Variants in SLCO3A1 observed in about 807,000 individuals in gnomAD.
SLCO3A1 encodes solute carrier organic anion transporter family member 3A1.
SLCO3A1 carries 27 observed loss-of-function variants against 63.1 expected under a neutral mutation model. That is an observed-to-expected ratio of 0.43 (90% confidence interval 0.32 to 0.59). The LOEUF is 0.59. Among genes scored for constraint, SLCO3A1 ranks in the 20% least tolerant of loss-of-function variants. The pLI, the probability that SLCO3A1 is intolerant of heterozygous loss-of-function variation, is 0.09. For synonymous variants in SLCO3A1, 473 were observed against 409.9 expected, an observed-to-expected ratio of 1.15 and a Z score of -1.86; for missense variants, 773 against 945.8, an observed-to-expected ratio of 0.82 and a Z score of 2.40.
chr15:92,132,570 G>T (rs2048009023), intron 7 of SLCO3A1, among the ~76,000 whole-genome samples: 1 of 141,862 alleles, frequency 7.0e-6, no homozygotes, highest in Non-Finnish European at 1.6e-5. Flanking sequence ...GTATGCTGTG[G>T]ACTGATGGCT....
At position 91,872,405 on chromosome 15, in the gene SLCO3A1, G is replaced by A. The variant is rs1462953782; in HGVS notation, c.180+18317G>A. Among the ~76,000 whole-genome samples, 2 of 152,042 alleles carry A rather than the reference G, an allele frequency of 1.3e-5. No individual in the cohort carries two copies. Among genetic ancestry groups the A allele is most frequent in the African/African-American group, 4.8e-5 (2 of 41,384 alleles). ...AAAATAGCCGGGCATGGTGGCAGTTGCCTGTAATCCCAGCTACTCGGCGGG... is the reference window on the plus strand; with the variant it reads ...AAAATAGCCGGGCATGGTGGCAGTTACCTGTAATCCCAGCTACTCGGCGGG... On this transcript the variant is annotated intron_variant, in intron 1 of 9. Coordinates refer to ENST00000318445, the MANE Select transcript of SLCO3A1 (RefSeq NM_013272.4). This position sits in a 1 kb window ranked among gnomAD's most constrained non-coding sequence, Gnocchi z 4.1.
chr15:92,090,576 C>T (rs1014219349), intron 2 of SLCO3A1, among the ~76,000 whole-genome samples: 2 of 152,150 alleles, frequency 1.3e-5, no homozygotes, highest in African/African-American at 4.8e-5. Flanking sequence ...GGGTGGACTC[C>T]GGACATCCAG....
At position 91,968,879 on chromosome 15, in the gene SLCO3A1, CTCT is replaced by C. The variant is rs1026854463; in HGVS notation, c.646+52423_646+52425del. Among the ~76,000 whole-genome samples the C allele has an allele frequency of 5.9e-5, 9 of 152,188 alleles. 1 individual carries two copies. In the Middle Eastern group the frequency reaches 9.5e-3, roughly 161 times the overall value. Reference sequence around the variant, plus strand: ...GGTTCCTCTGCATGGAGTCTCCTTTCTCTTTCCCCTACCCAGGGGATCTGGCAA... The same window carrying C: ...GGTTCCTCTGCATGGAGTCTCCTTTCTTCCCCTACCCAGGGGATCTGGCAA... On this transcript the variant is annotated intron_variant, in intron 2 of 9. Transcript: ENST00000318445. The surrounding 1 kb of genome is among the most constrained non-coding windows in gnomAD (Gnocchi z 4.2).
In SLCO3A1 at chr15:91,971,483, A is replaced by G. The variant is rs574310572; in HGVS notation, c.646+55025A>G. On this transcript the variant is annotated intron_variant, in intron 2 of 9. Coordinates refer to ENST00000318445, the MANE Select transcript of SLCO3A1 (RefSeq NM_013272.4). ...CTTTTTGTTGTCTATTTGATGTCATATTCTTCCATGTTTTTGTGCTTTTGT... is the reference window on the plus strand; with the variant it reads ...CTTTTTGTTGTCTATTTGATGTCATGTTCTTCCATGTTTTTGTGCTTTTGT... Among the ~76,000 whole-genome samples the G allele has an allele frequency of 1.3e-3, 196 of 150,160 alleles. 2 individuals are homozygous for G. The highest frequency in any genetic ancestry group is 4.8e-3 in the African/African-American group (194 of 40,798).
chr15:92,128,005 T>A (rs750679832), intron 6 of SLCO3A1, among the ~76,000 whole-genome samples: 2 of 152,096 alleles, frequency 1.3e-5, no homozygotes, highest in Non-Finnish European at 2.9e-5. Context: ...CAGTCCCAAC[T>A]GCCACCAGCC....
chr15:91,917,381 T>G (rs1182785075), intron 2 of SLCO3A1, among the ~76,000 whole-genome samples: 1 of 152,152 alleles, frequency 6.6e-6, no homozygotes, highest in Non-Finnish European at 1.5e-5. Context: ...AAAATAGAAT[T>G]TGAACTGGAT....
chr15:92,090,254 C>T (rs892562068), intron 2 of SLCO3A1, among the ~76,000 whole-genome samples: 7 of 152,172 alleles, frequency 4.6e-5, no homozygotes, highest in African/African-American at 1.7e-4. Context: ...ACACCATAGG[C>T]TACCTTGGGA....
In SLCO3A1 at chr15:91,939,592, C is replaced by T. The variant is rs1337462415; in HGVS notation, c.646+23134C>T. On this transcript the variant is annotated intron_variant, in intron 2 of 9. Coordinates refer to ENST00000318445, the MANE Select transcript of SLCO3A1 (RefSeq NM_013272.4). ...ATGGATGCCACGCTGCTGCCAGCTC[C>T]AGCACCTCCTAATGAAGTGTTTCAT... 3.3e-5 allele frequency among the ~76,000 whole-genome samples: 5 copies of T among 152,234 alleles called. No homozygotes were observed. The East Asian group carries it at 5.8e-4, about 18-fold the overall frequency.
chr15:92,038,311 T>C (rs953398009), intron 2 of SLCO3A1, among the ~76,000 whole-genome samples: 7 of 152,192 alleles, frequency 4.6e-5, no homozygotes, highest in Non-Finnish European at 1.0e-4. Flanking sequence ...GAGATCATTA[T>C]TTGCCTTCTA....
chr15:92,125,951 G>C, intron 5 of SLCO3A1, 110 bp from the exon 6 acceptor site: 1 of 859,608 alleles, frequency 1.2e-6, no homozygotes, highest in Non-Finnish European at 1.9e-6. Context: ...TGACACCACA[G>C]TGGGGTCATA....
chr15:91,960,751 TG>T (rs2151421021), intron 2 of SLCO3A1, among the ~76,000 whole-genome samples: 1 of 152,342 alleles, frequency 6.6e-6, no homozygotes, highest in Non-Finnish European at 1.5e-5. Context: ...ATGCTTGGGA[TG>T]AGAAGTGTTT....
At chr15:91,990,285 T>C (rs2046110200) in intron 2 of SLCO3A1, among the ~76,000 whole-genome samples, 1 of 152,284 alleles carries the variant, frequency 6.6e-6, no homozygotes, top group South Asian at 2.1e-4. Context: ...CTCATGCAAC[T>C]TTGCCAGAAT....
intron 1 of SLCO3A1, among the ~76,000 whole-genome samples, chr15:91,909,391 G>C (rs189721301): frequency 6.8e-4 from 104 of 152,302 alleles, no homozygotes; most frequent in African/African-American, 2.5e-3. Flanking sequence ...TTGAGTAGCT[G>C]CTATGATGAC....
chr15:91,995,601 C>T (rs77787747), intron 2 of SLCO3A1, among the ~76,000 whole-genome samples: 2,561 of 151,922 alleles, frequency 0.017, 81 homozygotes, highest in African/African-American at 0.059. Flanking sequence ...GCAGAAGTCC[C>T]TAGTGGGGAG....
intron 2 of SLCO3A1, among the ~76,000 whole-genome samples, chr15:91,949,740 T>G (rs888637480): frequency 6.6e-6 from 1 of 152,008 alleles, no homozygotes; most frequent in Admixed American, 6.5e-5. Context: ...GATGAGCTTG[T>G]AGTCCCAGCT....
At chr15:91,938,311 C>A (rs1439073209) in intron 2 of SLCO3A1, among the ~76,000 whole-genome samples, 1 of 151,468 alleles carries the variant, frequency 6.6e-6, no homozygotes. Flanking sequence ...TGTTAGTTTC[C>A]TTCTCTCCTC....
At chr15:91,899,275 G>C (rs1003665386) in intron 1 of SLCO3A1, among the ~76,000 whole-genome samples, 2 of 152,138 alleles carry the variant, frequency 1.3e-5, no homozygotes, top group African/African-American at 4.8e-5. Context: ...AGTGTGGGGG[G>C]GATGGGGCTA....
At chr15:92,105,977 G>A (rs1338970832) in intron 4 of SLCO3A1, among the ~76,000 whole-genome samples, 2 of 152,200 alleles carry the variant, frequency 1.3e-5, no homozygotes, top group African/African-American at 2.4e-5. Context: ...TCAGCCCCCT[G>A]TTCTGTTCCT....
chr15:92,151,188 A>T, intron 9 of SLCO3A1, 174 bp downstream of exon 9: 2 of 571,656 alleles, frequency 3.5e-6, no homozygotes, highest in South Asian at 2.4e-5. Flanking sequence ...AAACTCAGAC[A>T]CTGCCTCGAT....
Sources: allele counts gnomAD v4.1 joint callset (sites outside exome capture counted in the v4.1 genomes callset), GRCh38; gene constraint gnomAD v4.1.1; non-coding constraint Gnocchi (gnomAD v3.1); transcripts MANE v1.5; gene names NCBI Gene and HGNC (gene_info 2026-07-23, HGNC 2026-07-21).